Variants in PRKCE observed in about 807,000 individuals in gnomAD.
PRKCE encodes the protein protein kinase C epsilon type.
A neutral mutation model predicts 85.4 loss-of-function variants in PRKCE; 16 were observed. That is an observed-to-expected ratio of 0.19 (90% CI 0.13 to 0.28). The LOEUF is 0.28. Ranked by LOEUF, PRKCE falls within the 10% of genes least tolerant of loss-of-function variation. PRKCE has a pLI of 1.00. For synonymous variants in PRKCE, 388 were observed against 371.5 expected (o/e 1.04, Z -0.51); for missense variants, 573 against 975.2 (o/e 0.59, Z 5.49).
Position 45,814,152 on chromosome 2 carries a change from T to C in PRKCE, c.349-28848T>C, listed in dbSNP as rs569460470. Among the ~76,000 whole-genome samples the C allele has an allele frequency of 2.0e-5, 3 of 152,274 alleles. No individual in the cohort carries two copies. The South Asian group carries it at 6.2e-4, about 32-fold the overall frequency. On this transcript the variant is annotated intron_variant, in intron 1 of 14. Transcript: ENST00000306156. ...GAGGGTGACTACTCTCCTGCCACTG[T>C]GATGAGTCTTGCCATGACCGGGACC...
At chr2:45,716,685 A>AAAGGAAGGAAG (rs1553387035) in intron 1 of PRKCE, among the ~76,000 whole-genome samples, 3 of 74,990 alleles carry the variant, frequency 4.0e-5, no homozygotes, top group East Asian at 4.9e-4. Context: ...AAGAAGAAGA[A>AAAGGAAGGAAG]GAAGAGAAGG....
chr2:45,814,017 A>T (rs982236243), intron 1 of PRKCE, among the ~76,000 whole-genome samples: 1 of 152,168 alleles, frequency 6.6e-6, no homozygotes, highest in Non-Finnish European at 1.5e-5. Context: ...GGTGGGCAGG[A>T]CATCAGAGAA....
chr2:46,036,736 C>G (rs1475159456), intron 10 of PRKCE, among the ~76,000 whole-genome samples: 1 of 152,108 alleles, frequency 6.6e-6, no homozygotes, highest in Non-Finnish European at 1.5e-5. Flanking sequence ...AGAGGTAGGA[C>G]TTGAGCTGAT....
chr2:46,079,175 CAAA>C (rs11452307), intron 10 of PRKCE, among the ~76,000 whole-genome samples: 198 of 126,422 alleles, frequency 1.6e-3, no homozygotes, highest in African/African-American at 3.8e-3. Flanking sequence ...GACTCTGTCT[CAAA>C]AAAAAAAAAA....
intron 11 of PRKCE, among the ~76,000 whole-genome samples, chr2:46,104,809 G>T (rs946899232): frequency 6.6e-6 from 1 of 152,142 alleles, no homozygotes; most frequent in Non-Finnish European, 1.5e-5. Context: ...TTCTTGTCCA[G>T]GTCCTTTTGT....
intron 2 of PRKCE, among the ~76,000 whole-genome samples, chr2:45,860,751 T>C (rs1047632779): frequency 3.3e-5 from 5 of 152,162 alleles, no homozygotes; most frequent in African/African-American, 1.2e-4. Flanking sequence ...TTCAGAGAGT[T>C]TTTGACTTTG....
At chr2:45,929,384 T>C (rs1222012589) in intron 2 of PRKCE, among the ~76,000 whole-genome samples, 1 of 152,360 alleles carries the variant, frequency 6.6e-6, no homozygotes, top group South Asian at 2.1e-4. Flanking sequence ...ATTTTACTCT[T>C]GTGCGTACTC....
intron 11 of PRKCE, among the ~76,000 whole-genome samples, chr2:46,099,169 C>A (rs910788603): frequency 6.6e-6 from 1 of 152,042 alleles, no homozygotes. Flanking sequence ...CTCCATTATC[C>A]CAAGACATCC....
intron 2 of PRKCE, among the ~76,000 whole-genome samples, chr2:45,911,597 G>T (rs1198517232): frequency 6.6e-6 from 1 of 152,182 alleles, no homozygotes; most frequent in Non-Finnish European, 1.5e-5. Context: ...TGGGCTGATT[G>T]TATGACTCCT....
intron 6 of PRKCE, among the ~76,000 whole-genome samples, chr2:45,985,499 C>T (rs1455250656): frequency 6.6e-6 from 1 of 152,036 alleles, no homozygotes; most frequent in Non-Finnish European, 1.5e-5. Flanking sequence ...TAGTGTTTTA[C>T]TGTTTGTGTG....
At chr2:46,106,769 CT>C (rs1177620936) in intron 11 of PRKCE, among the ~76,000 whole-genome samples, 1 of 152,222 alleles carries the variant, frequency 6.6e-6, no homozygotes, top group African/African-American at 2.4e-5. Flanking sequence ...TAAATGACCT[CT>C]TTAAAGGCCC....
At chr2:45,960,623 C>T (rs1701309198) in intron 2 of PRKCE, among the ~76,000 whole-genome samples, 1 of 152,208 alleles carries the variant, frequency 6.6e-6, no homozygotes, top group Non-Finnish European at 1.5e-5. Context: ...TGCCCACCCA[C>T]CAATCACCTC....
At chr2:45,819,792 A>G (rs1490041880) in intron 1 of PRKCE, among the ~76,000 whole-genome samples, 1 of 152,226 alleles carries the variant, frequency 6.6e-6, no homozygotes, top group African/African-American at 2.4e-5. Context: ...ATGTAAAGCA[A>G]TCATATTCAT....
At chr2:45,884,889 A>G (rs984153616) in intron 2 of PRKCE, among the ~76,000 whole-genome samples, 1 of 149,414 alleles carries the variant, frequency 6.7e-6, no homozygotes, top group Non-Finnish European at 1.5e-5. Flanking sequence ...GCACCTGTGC[A>G]TATACACACG....
At chr2:46,039,337 G>T (rs1458059966) in intron 10 of PRKCE, among the ~76,000 whole-genome samples, 1 of 152,134 alleles carries the variant, frequency 6.6e-6, no homozygotes, top group East Asian at 1.9e-4. Flanking sequence ...ATTCGTTCCA[G>T]GGAGCTTGGA....
intron 11 of PRKCE, among the ~76,000 whole-genome samples, chr2:46,105,311 G>T (rs1290783689): frequency 2.0e-5 from 3 of 151,968 alleles, no homozygotes; most frequent in African/African-American, 4.8e-5. Flanking sequence ...TATAGCTAGG[G>T]CTTTCTTATA....
At chr2:45,780,716 C>G (rs140809005) in intron 1 of PRKCE, among the ~76,000 whole-genome samples, 1 of 152,250 alleles carries the variant, frequency 6.6e-6, no homozygotes, top group Admixed American at 6.5e-5. Context: ...CACCCAATCC[C>G]ACCATCTGGT....
intron 10 of PRKCE, among the ~76,000 whole-genome samples, chr2:46,051,693 G>C (rs770369389): frequency 1.3e-5 from 2 of 152,110 alleles, no homozygotes; most frequent in Non-Finnish European, 2.9e-5. Context: ...TTTTACCTTA[G>C]TGAAATAAAG....
At chr2:45,699,103 A>G (rs1446712769) in intron 1 of PRKCE, among the ~76,000 whole-genome samples, 1 of 151,768 alleles carries the variant, frequency 6.6e-6, no homozygotes, top group Non-Finnish European at 1.5e-5. Flanking sequence ...CTGTTCCCAT[A>G]ATATATTTTT....
Sources: allele counts gnomAD v4.1 joint callset (sites outside exome capture counted in the v4.1 genomes callset), GRCh38; gene constraint gnomAD v4.1.1; transcripts MANE v1.5; gene names NCBI Gene and HGNC (gene_info 2026-07-23, HGNC 2026-07-21).